TRPM3: variants seen among roughly 807,000 people sequenced by gnomAD.
The protein encoded by TRPM3 is long transient receptor potential channel 3.
TRPM3 carries 77 observed loss-of-function variants against 181.2 expected under a neutral mutation model. The observed-to-expected ratio is 0.42, with a 90% CI of 0.35 to 0.51. The LOEUF (loss-of-function observed/expected upper bound fraction) is 0.51, where lower values mean the gene tolerates loss of function less well. TRPM3 is among the 20% of genes least tolerant of loss of function. The pLI, the probability that TRPM3 is intolerant of heterozygous loss-of-function variation, is 0.01. For missense variants in TRPM3, 1,759 were observed against 2,196.7 expected (o/e 0.80, Z 3.98); for synonymous variants, 745 against 796.4 (o/e 0.94, Z 1.09).
chr9:70,535,957 T>G lies in TRPM3; in HGVS notation c.5156A>C (p.Asn1719Thr), dbSNP rs17535963. 450,395 of 1,590,700 alleles carry G rather than the reference T, an allele frequency of 0.28. 66,059 individuals are homozygous for G. The highest frequency in any genetic ancestry group is 0.33 in the Admixed American group (18,803 of 56,582). ...SAFQSFESKHN is the reference protein window; with the variant it reads ...SAFQSFESKHT ...TGTGGCGGATATTAAGAAGGTTTAG[T>G]TGTGCTTGCTTTCAAAGCTTTGGAA... The change falls in exon 26 of 26, where the codon AAC becomes ACC. Residue 1719 changes from asparagine (N) to threonine (T), a missense_variant. Around this residue, in one of 8 missense-constraint regions of TRPM3, gnomAD observed 612 missense variants for 590.0 expected, o/e 1.04. Transcript: ENST00000677713.
chr9:70,545,767 C>T (rs754802381), intron 25 of TRPM3, among the ~76,000 whole-genome samples: 9 of 151,984 alleles, frequency 5.9e-5, no homozygotes, highest in South Asian at 2.1e-4. Context: ...AGGCTGGTCT[C>T]GAACACCTGA....
chr9:71,040,984 A>G (rs1399023783), intron 1 of TRPM3, among the ~76,000 whole-genome samples: 3 of 152,184 alleles, frequency 2.0e-5, no homozygotes, highest in Non-Finnish European at 2.9e-5. Flanking sequence ...TGGAGGCAAC[A>G]TGGGACCTAG....
At chr9:71,349,018 G>C (rs1449227620) in intron 1 of TRPM3, among the ~76,000 whole-genome samples, 1 of 152,200 alleles carries the variant, frequency 6.6e-6, no homozygotes, top group Non-Finnish European at 1.5e-5. Context: ...CAAACATGCT[G>C]TGCTTTAAAT....
intron 9 of TRPM3, among the ~76,000 whole-genome samples, chr9:70,670,333 C>A (rs144512347): frequency 2.2e-3 from 328 of 152,256 alleles, no homozygotes; most frequent in African/African-American, 7.2e-3. Flanking sequence ...TATAAACATG[C>A]TCTGTGAATT....
chr9:70,861,278 C>T (rs898738200), intron 3 of TRPM3, among the ~76,000 whole-genome samples: 3 of 152,066 alleles, frequency 2.0e-5, no homozygotes, highest in African/African-American at 7.2e-5. Context: ...AATCACTCCC[C>T]AAAAGACAGA....
chr9:71,014,492 T>C (rs1488614793), intron 1 of TRPM3, among the ~76,000 whole-genome samples: 1 of 152,154 alleles, frequency 6.6e-6, no homozygotes, highest in African/African-American at 2.4e-5. Flanking sequence ...TTCATATTTC[T>C]ACTTCTTGCA....
At chr9:71,032,016 TA>T (rs1338013118) in intron 1 of TRPM3, among the ~76,000 whole-genome samples, 17 of 196 alleles carry the variant, frequency 0.087, 2 homozygotes, top group East Asian at 0.5. Flanking sequence ...TAATATATAA[TA>T]TATATATATA....
Position 71,375,700 on chromosome 9 carries a change from A to T in TRPM3, c.183+70953T>A, listed in dbSNP as rs193248708. Among the ~76,000 whole-genome samples, 41 of 152,286 alleles carry T rather than the reference A, an allele frequency of 2.7e-4. No individual in the cohort carries two copies. The East Asian group carries it at 7.3e-3, about 27-fold the overall frequency. On this transcript the variant is annotated intron_variant, in intron 1 of 24. Coordinates refer to the TRPM3 transcript ENST00000357533. ...AAAAGAAACATTCTTGTCCTATTTT[A>T]AGAAATTGCTACAGCCATCCCAACC...
chr9:71,113,224 G>C (rs998013339), intron 1 of TRPM3, among the ~76,000 whole-genome samples: 4 of 152,146 alleles, frequency 2.6e-5, no homozygotes, highest in Non-Finnish European at 5.9e-5. Flanking sequence ...AAGTAAAAGA[G>C]AGACTGATTT....
intron 12 of TRPM3, 33 bp downstream of exon 12, chr9:70,635,176 CAG>C: frequency 6.2e-7 from 1 of 1,606,096 alleles, no homozygotes; most frequent in Admixed American, 1.7e-5. Context: ...GCAGTCAAGA[CAG>C]GGCCTCCGAC....
chr9:71,392,006 GTCTT>G lies in TRPM3; in HGVS notation c.183+54643_183+54646del, dbSNP rs2093073215. ...TCTATGGGCTACAGTGGCTTGGACA[GTCTT>G]TCTTAAAGAAAAATTCAGTAGAATT... On this transcript the variant is annotated intron_variant, in intron 1 of 24. Transcript: ENST00000357533. 2.0e-5 allele frequency among the ~76,000 whole-genome samples: 3 copies of G among 152,040 alleles called. No homozygotes were observed. The South Asian group carries it at 6.2e-4, about 31-fold the overall frequency.
chr9:71,078,173 G>C (rs779740281), intron 1 of TRPM3, among the ~76,000 whole-genome samples: 35 of 151,976 alleles, frequency 2.3e-4, no homozygotes, highest in Non-Finnish European at 3.8e-4. Context: ...CAAACATCTA[G>C]AAACCATCCT....
chr9:70,962,692 CAG>C (rs1319243822), intron 1 of TRPM3, among the ~76,000 whole-genome samples: 1 of 152,008 alleles, frequency 6.6e-6, no homozygotes, highest in African/African-American at 2.4e-5. Flanking sequence ...AAATTACAAA[CAG>C]TAAGAGACAA....
chr9:70,973,691 C>T (rs761035644), intron 1 of TRPM3, among the ~76,000 whole-genome samples: 2 of 152,232 alleles, frequency 1.3e-5, no homozygotes, highest in Admixed American at 6.5e-5. Context: ...TCATCATCTT[C>T]ATTCCCTCCT....
Position 70,667,458 on chromosome 9 carries a change from C to T in TRPM3, c.1345+14048G>A, listed in dbSNP as rs555672252. On this transcript the variant is annotated intron_variant, in intron 9 of 25. Coordinates refer to ENST00000677713, the MANE Select transcript of TRPM3 (RefSeq NM_001366145.2). Reference sequence around the variant, plus strand: ...GCATCTAATATGCATTAATTGATTTCATCTCCTTCCCCTTGCATGGCCCTC... The same window carrying T: ...GCATCTAATATGCATTAATTGATTTTATCTCCTTCCCCTTGCATGGCCCTC... Among the ~76,000 whole-genome samples, 75 of 152,252 alleles carry T rather than the reference C, an allele frequency of 4.9e-4. 1 individual carries two copies. Among genetic ancestry groups the T allele is most frequent in the Admixed American group, 2.0e-3 (30 of 15,298 alleles).
In TRPM3 at chr9:71,221,880, G is replaced by C. The variant is rs548978358; in HGVS notation, c.183+224773C>G. On this transcript the variant is annotated intron_variant, in intron 1 of 24. Transcript: ENST00000357533. ...TGGATGAAGGGAAATGTCTGCCTCA[G>C]AAGAAGCAGCTACCCAGAGCTGCAA... 3.9e-5 allele frequency among the ~76,000 whole-genome samples: 6 copies of C among 152,306 alleles called. No homozygotes were observed. In the South Asian group the frequency reaches 1.0e-3, roughly 26 times the overall value.
intron 3 of TRPM3, among the ~76,000 whole-genome samples, chr9:70,861,829 C>T (rs2095527301): frequency 1.3e-5 from 2 of 149,526 alleles, no homozygotes; most frequent in South Asian, 2.1e-4. Flanking sequence ...TCTAAAATAT[C>T]GTTCAGAAAT....
At chr9:70,804,705 C>T (rs958794879) in intron 6 of TRPM3, among the ~76,000 whole-genome samples, 1 of 138,848 alleles carries the variant, frequency 7.2e-6, no homozygotes, top group Non-Finnish European at 1.5e-5. Context: ...CTCCCCTTCC[C>T]TTCCCTTCTC....
intron 3 of TRPM3, among the ~76,000 whole-genome samples, chr9:70,847,528 A>G (rs959755618): frequency 3.0e-5 from 3 of 100,816 alleles, no homozygotes; most frequent in African/African-American, 1.1e-4. Flanking sequence ...TAAACCCTGG[A>G]AGACCTAGAG....
Sources: gnomAD v4.1 joint callset for allele counts (sites outside exome capture counted in the v4.1 genomes callset) on GRCh38, gnomAD v4.1.1 for gene constraint, gnomAD v4.1.1 regional missense constraint, MANE v1.5 for transcripts, NCBI Gene and HGNC (gene_info 2026-07-23, HGNC 2026-07-21) for gene names.